The following CDH13 variants were observed in gnomAD, a reference collection of about 807,000 sequenced individuals.
CDH13 encodes cadherin 13.
CDH13 carries 24 observed loss-of-function variants against 63.8 expected under a neutral mutation model. The ratio of observed to expected loss-of-function variants is 0.38; its 90% confidence interval spans 0.27 to 0.53. The LOEUF (loss-of-function observed/expected upper bound fraction) is 0.53. Among genes scored for constraint, CDH13 ranks in the 20% least tolerant of loss-of-function variants. The probability of loss-of-function intolerance (pLI) is 0.85; values close to 1 mark genes in which losing one functional copy is unlikely to be tolerated. For synonymous variants in CDH13, 503 were observed against 355.3 expected (o/e 1.42, Z -4.67); for missense variants, 1,049 against 903.1 (o/e 1.16, Z -2.07).
chr16:83,308,467 A>C (rs2089928433), intron 5 of CDH13, among the ~76,000 whole-genome samples: 1 of 152,256 alleles, frequency 6.6e-6, no homozygotes, highest in Admixed American at 6.5e-5. Context: ...ATTCCTTCAA[A>C]CTTGAGAATT....
intron 4 of CDH13, among the ~76,000 whole-genome samples, chr16:83,147,523 C>T (rs73604253): frequency 0.062 from 9,484 of 152,282 alleles, 412 homozygotes; most frequent in African/African-American, 0.11. Context: ...CTGCCACTTC[C>T]TCCTTTCACG....
At chr16:83,186,613 C>A (rs1168390608) in intron 4 of CDH13, among the ~76,000 whole-genome samples, 1 of 151,868 alleles carries the variant, frequency 6.6e-6, no homozygotes, top group African/African-American at 2.4e-5. Context: ...TTTAATCTAC[C>A]CCTTCTCTGC....
chr16:83,382,801 C>T (rs1479769033), intron 6 of CDH13, among the ~76,000 whole-genome samples: 2 of 152,128 alleles, frequency 1.3e-5, no homozygotes, highest in Non-Finnish European at 2.9e-5. Flanking sequence ...CCAGTTACAC[C>T]AATGGTTCTC....
chr16:82,873,300 C>G (rs752088565), intron 2 of CDH13, among the ~76,000 whole-genome samples: 8 of 152,142 alleles, frequency 5.3e-5, no homozygotes, highest in African/African-American at 9.7e-5. Context: ...ATTATAAACT[C>G]TATGTTATAG....
intron 8 of CDH13, among the ~76,000 whole-genome samples, chr16:83,650,008 A>G (rs1248738369): frequency 6.6e-6 from 1 of 152,176 alleles, no homozygotes; most frequent in Non-Finnish European, 1.5e-5. Context: ...ATTGGACAAA[A>G]TGGAAAATGC....
At chr16:83,549,496 T>G (rs1380192345) in intron 7 of CDH13, among the ~76,000 whole-genome samples, 1 of 152,162 alleles carries the variant, frequency 6.6e-6, no homozygotes, top group Non-Finnish European at 1.5e-5. Context: ...GGCTGCCATA[T>G]GCTTCACCTG....
At chr16:82,912,806 G>A (rs563047167) in intron 2 of CDH13, among the ~76,000 whole-genome samples, 1 of 152,218 alleles carries the variant, frequency 6.6e-6, no homozygotes, top group Non-Finnish European at 1.5e-5. Flanking sequence ...AGCTGGGCGT[G>A]GTGGCGGGCA....
chr16:83,394,529 A>C (rs769470597), intron 6 of CDH13, among the ~76,000 whole-genome samples: 1 of 152,180 alleles, frequency 6.6e-6, no homozygotes, highest in Non-Finnish European at 1.5e-5. Flanking sequence ...GAGCAGAAGC[A>C]GGGGGAGCAG....
chr16:83,064,940 G>A (rs1302324744), intron 3 of CDH13, among the ~76,000 whole-genome samples: 1 of 152,010 alleles, frequency 6.6e-6, no homozygotes, highest in Non-Finnish European at 1.5e-5. Flanking sequence ...CTGTGCAATA[G>A]TCTCAAAACC....
chr16:83,160,053 G>A lies in CDH13; in HGVS notation c.483+34552G>A, dbSNP rs1274383000. Among the ~76,000 whole-genome samples the A allele has an allele frequency of 3.3e-5, 5 of 151,938 alleles. No individual in the cohort carries two copies. The East Asian group carries it at 7.7e-4, about 24-fold the overall frequency. ...ATCACACCACTGCATTCCAGCCCGG[G>A]TGACAGAGCAAGACTCTGTCTCAAA... On this transcript the variant is annotated intron_variant, in intron 4 of 13. Coordinates refer to ENST00000567109, the MANE Select transcript of CDH13 (RefSeq NM_001257.5).
At chr16:83,443,736 A>T (rs2072565855) in intron 6 of CDH13, among the ~76,000 whole-genome samples, 4 of 10,578 alleles carry the variant, frequency 3.8e-4, no homozygotes, top group South Asian at 4.1e-3. Flanking sequence ...AAAAAAAAAA[A>T]TATATATATA....
At chr16:82,937,335 G>A (rs1054202718) in intron 2 of CDH13, among the ~76,000 whole-genome samples, 2 of 151,908 alleles carry the variant, frequency 1.3e-5, no homozygotes, top group Non-Finnish European at 2.9e-5. Context: ...TGGAGGTTGG[G>A]CGAGGCAATC....
intron 1 of CDH13, among the ~76,000 whole-genome samples, chr16:82,709,447 G>A (rs1401330342): frequency 6.6e-6 from 1 of 152,170 alleles, no homozygotes; most frequent in Non-Finnish European, 1.5e-5. Flanking sequence ...TCAGGGGCTT[G>A]GAATTAGACT....
chr16:82,918,506 CTT>C (rs34099579), intron 2 of CDH13, among the ~76,000 whole-genome samples: 2,994 of 119,632 alleles, frequency 0.025, 65 homozygotes, highest in African/African-American at 0.082. Flanking sequence ...TACACTTTCA[CTT>C]TTTTTTTTTT....
At chr16:83,438,241 G>A (rs955314002) in intron 6 of CDH13, among the ~76,000 whole-genome samples, 2 of 152,148 alleles carry the variant, frequency 1.3e-5, no homozygotes, top group African/African-American at 4.8e-5. Context: ...TTTGGTCTTT[G>A]GTATTCACCA....
intron 5 of CDH13, among the ~76,000 whole-genome samples, chr16:83,332,223 T>A (rs1484982525): frequency 6.6e-6 from 1 of 152,142 alleles, no homozygotes; most frequent in Non-Finnish European, 1.5e-5. Context: ...AACCTGCATT[T>A]CAGTAGTTTA....
intron 13 of CDH13, among the ~76,000 whole-genome samples, chr16:83,785,221 G>C (rs1472454584): frequency 6.6e-6 from 1 of 152,204 alleles, no homozygotes; most frequent in Non-Finnish European, 1.5e-5. Context: ...AAATAACAGA[G>C]ATGTATTGCT....
intron 10 of CDH13, among the ~76,000 whole-genome samples, chr16:83,743,696 T>G (rs2150965934): frequency 1.4e-5 from 2 of 147,676 alleles, no homozygotes; most frequent in African/African-American, 4.9e-5. Flanking sequence ...TACCAATCAC[T>G]CCTGGATCAA....
intron 4 of CDH13, 136 bp from the exon 5 acceptor site, chr16:83,217,209 T>G: frequency 1.3e-6 from 1 of 752,516 alleles, no homozygotes; most frequent in Non-Finnish European, 2.2e-6. Flanking sequence ...TGCTGTTACT[T>G]TAGTCAAATC....
Sources: gnomAD v4.1 joint callset for allele counts (sites outside exome capture counted in the v4.1 genomes callset) on GRCh38, gnomAD v4.1.1 for gene constraint, MANE v1.5 for transcripts, NCBI Gene and HGNC (gene_info 2026-07-23, HGNC 2026-07-21) for gene names.